RBFOX1: variants seen among roughly 807,000 people sequenced by gnomAD.
RBFOX1 encodes RNA binding fox-1 homolog 1.
Under a neutral mutation model 57.7 loss-of-function variants are expected in RBFOX1, and 8 were observed. The ratio of observed to expected loss-of-function variants is 0.14; its 90% CI spans 0.08 to 0.25. The LOEUF (loss-of-function observed/expected upper bound fraction) is 0.25, where lower values mean the gene tolerates loss of function less well. Among genes scored for constraint, RBFOX1 ranks in the 10% least tolerant of loss-of-function variants. The pLI, the probability that RBFOX1 is intolerant of heterozygous loss-of-function variation, is 1.00. For missense variants in RBFOX1, 611 were observed against 548.5 expected, an observed-to-expected ratio of 1.11 and a Z score of -1.14; for synonymous variants, 326 against 222.4, an observed-to-expected ratio of 1.47 and a Z score of -4.15.
At chr16:6,007,327 G>C (rs1014530660) in intron 4 of RBFOX1, among the ~76,000 whole-genome samples, 11 of 152,206 alleles carry the variant, frequency 7.2e-5, no homozygotes, top group African/African-American at 2.7e-4. Flanking sequence ...CACATCCTGA[G>C]CTGCCCACTG....
chr16:6,212,557 A>C (rs1042663737), intron 1 of RBFOX1, among the ~76,000 whole-genome samples: 7 of 152,068 alleles, frequency 4.6e-5, no homozygotes, highest in Non-Finnish European at 7.4e-5. Flanking sequence ...AATACAAAAA[A>C]TTAGTTGGGC....
Position 6,808,971 on chromosome 16 carries a change from A to G in RBFOX1, c.-16+154321A>G, listed in dbSNP as rs147785316. Among the ~76,000 whole-genome samples the G allele has an allele frequency of 6.8e-3, 1,038 of 152,306 alleles. 13 individuals are homozygous for G. Among genetic ancestry groups the G allele is most frequent in the African/African-American group, 0.023 (942 of 41,572 alleles). ...TACTTCTATATTTGAGTCCTTGTGG[A>G]TGAACTGTAACCTAGCTTAATAGAC... On this transcript the variant is annotated intron_variant, in intron 3 of 15. Transcript: ENST00000550418.
chr16:7,580,044 G>C (rs1223697633), intron 6 of RBFOX1, 124 bp downstream of exon 6: 5 of 1,039,242 alleles, frequency 4.8e-6, no homozygotes, highest in Admixed American at 2.6e-5. Flanking sequence ...AAACAATTTA[G>C]AGCCTAGTCT....
chr16:6,678,600 G>A (rs763163628), intron 3 of RBFOX1, among the ~76,000 whole-genome samples: 1 of 151,002 alleles, frequency 6.6e-6, no homozygotes, highest in African/African-American at 2.4e-5. Context: ...TATTTTGACA[G>A]CGGATTGCAT....
intron 1 of RBFOX1, among the ~76,000 whole-genome samples, chr16:6,160,075 T>G (rs566912642): frequency 1.3e-5 from 2 of 152,290 alleles, no homozygotes; most frequent in East Asian, 3.9e-4. Flanking sequence ...AGGCATTTAC[T>G]GATACAAAAA....
intron 1 of RBFOX1, among the ~76,000 whole-genome samples, chr16:5,424,993 CT>C (rs370514698): frequency 0.15 from 5,883 of 40,350 alleles, 795 homozygotes; most frequent in East Asian, 0.29. Context: ...CTTTTCTTTT[CT>C]TTTCTTTTCT....
chr16:6,791,124 C>G (rs1353148164), intron 3 of RBFOX1, among the ~76,000 whole-genome samples: 2 of 151,992 alleles, frequency 1.3e-5, no homozygotes, highest in Non-Finnish European at 2.9e-5. Flanking sequence ...CTAGGCTGAT[C>G]TCAAACTCCT....
At chr16:5,321,341 A>T (rs1443415141) in intron 1 of RBFOX1, among the ~76,000 whole-genome samples, 2 of 147,738 alleles carry the variant, frequency 1.4e-5, no homozygotes, top group Admixed American at 1.4e-4. Flanking sequence ...TTTTTTTGAG[A>T]TGGAGTCTCG....
intron 2 of RBFOX1, among the ~76,000 whole-genome samples, chr16:6,531,532 T>C (rs2096658005): frequency 6.6e-6 from 1 of 152,232 alleles, no homozygotes; most frequent in Non-Finnish European, 1.5e-5. Context: ...TAGTTTTTAA[T>C]TTTAATATCA....
intron 3 of RBFOX1, among the ~76,000 whole-genome samples, chr16:5,648,798 T>C (rs1030040972): frequency 1.3e-5 from 2 of 152,212 alleles, no homozygotes; most frequent in Non-Finnish European, 2.9e-5. Context: ...GCACACTGGC[T>C]CATGCCTGTA....
intron 1 of RBFOX1, among the ~76,000 whole-genome samples, chr16:6,197,904 G>T (rs2097190982): frequency 6.6e-6 from 1 of 152,030 alleles, no homozygotes; most frequent in Non-Finnish European, 1.5e-5. Context: ...GTGGCATTTG[G>T]TTTTCTGTCC....
At chr16:7,215,211 C>G (rs948276317) in intron 4 of RBFOX1, among the ~76,000 whole-genome samples, 1 of 152,184 alleles carries the variant, frequency 6.6e-6, no homozygotes, top group Non-Finnish European at 1.5e-5. Context: ...TCAGCTTCAT[C>G]CGTGTCTCCA....
chr16:7,072,839 T>G (rs2153781399), intron 4 of RBFOX1, among the ~76,000 whole-genome samples: 1 of 152,320 alleles, frequency 6.6e-6, no homozygotes, highest in South Asian at 2.1e-4. Context: ...GGGAGGAACG[T>G]CTTGAACATA....
chr16:6,560,948 G>T (rs1408069120), intron 2 of RBFOX1, among the ~76,000 whole-genome samples: 1 of 152,138 alleles, frequency 6.6e-6, no homozygotes. Flanking sequence ...ATCCCTCAGA[G>T]GCATGTGCTG....
chr16:6,794,856 CT>C (rs2083647724), intron 3 of RBFOX1, among the ~76,000 whole-genome samples: 1 of 152,006 alleles, frequency 6.6e-6, no homozygotes, highest in African/African-American at 2.4e-5. Flanking sequence ...TTGTCAAGGG[CT>C]TTTTTCCCCC....
chr16:7,676,314 T>G (rs1445963333), intron 13 of RBFOX1, among the ~76,000 whole-genome samples: 1 of 152,184 alleles, frequency 6.6e-6, no homozygotes, highest in Admixed American at 6.5e-5. Context: ...CAAAGGGTGA[T>G]TTAATAAATA....
intron 2 of RBFOX1, among the ~76,000 whole-genome samples, chr16:5,567,530 G>A (rs2046114260): frequency 6.8e-6 from 1 of 147,000 alleles, no homozygotes; most frequent in Admixed American, 7.1e-5. Context: ...CAGTGGTGCA[G>A]GTTTTTTGTA....
intron 3 of RBFOX1, among the ~76,000 whole-genome samples, chr16:5,766,892 C>T (rs1327150135): frequency 6.6e-6 from 1 of 152,214 alleles, no homozygotes; most frequent in Non-Finnish European, 1.5e-5. Flanking sequence ...TTGCAAAGTC[C>T]TCTCATTTTT....
intron 4 of RBFOX1, among the ~76,000 whole-genome samples, chr16:7,419,344 A>G (rs2098516665): frequency 6.6e-6 from 1 of 152,184 alleles, no homozygotes; most frequent in African/African-American, 2.4e-5. Context: ...AGACAGAAGC[A>G]TATTCAATTC....
Sources: allele counts gnomAD v4.1 joint callset (sites outside exome capture counted in the v4.1 genomes callset), GRCh38; gene constraint gnomAD v4.1.1; transcripts MANE v1.5; gene names NCBI Gene and HGNC (gene_info 2026-07-23, HGNC 2026-07-21).